KLHL24: variants seen among roughly 807,000 people sequenced by gnomAD.
KLHL24 encodes kelch-like protein 24.
A neutral mutation model predicts 53.4 loss-of-function variants in KLHL24; 29 were observed. The ratio of observed to expected loss-of-function variants is 0.54; its 90% CI spans 0.40 to 0.74. KLHL24 has a LOEUF of 0.74. KLHL24 is among the 30% of genes least tolerant of loss of function. The probability of loss-of-function intolerance (pLI) is 0.00; values close to 1 mark genes in which losing one functional copy is unlikely to be tolerated. For synonymous variants in KLHL24, 222 were observed against 253.7 expected, an observed-to-expected ratio of 0.88 and a Z score of 1.19; for missense variants, 504 against 744.0, an observed-to-expected ratio of 0.68 and a Z score of 3.75.
chr3:183,670,923 A>G, intron 5 of KLHL24, 111 bp from the exon 6 acceptor site: 1 of 729,042 alleles, frequency 1.4e-6, no homozygotes, highest in Non-Finnish European at 2.3e-6. Context: ...TTGCAATTAT[A>G]TTTATTTAGC....
chr3:183,676,911 T>G (rs1347667754), intron 7 of KLHL24, among the ~76,000 whole-genome samples: 7 of 64,492 alleles, frequency 1.1e-4, no homozygotes, highest in Non-Finnish European at 1.7e-4. Flanking sequence ...GGTTTTTTGG[T>G]TTTTTTTTTT....
intron 7 of KLHL24, among the ~76,000 whole-genome samples, chr3:183,676,347 C>T (rs1356770068): frequency 2.6e-5 from 4 of 152,272 alleles, no homozygotes; most frequent in East Asian, 1.9e-4. Context: ...CCGCCTGCCT[C>T]GGCCTCCCAA....
intron 3 of KLHL24, among the ~76,000 whole-genome samples, chr3:183,659,136 T>A (rs1300325751): frequency 2.3e-5 from 3 of 131,534 alleles, no homozygotes; most frequent in African/African-American, 9.8e-5. Context: ...CATTTGTAGG[T>A]TGTTGATTTT....
At chr3:183,672,260 T>G in intron 6 of KLHL24, 36 bp from the exon 7 acceptor site, 2 of 1,151,746 alleles carry the variant, frequency 1.7e-6, no homozygotes, top group East Asian at 2.8e-5. Flanking sequence ...CATTTTTGTT[T>G]AGAAATTTTA....
intron 2 of KLHL24, among the ~76,000 whole-genome samples, chr3:183,645,791 A>T (rs2108778288): frequency 6.6e-6 from 1 of 152,358 alleles, no homozygotes; most frequent in East Asian, 1.9e-4. Context: ...ACATACATGT[A>T]GAGGAAAATA....
rs372809718 is a variant in KLHL24, at chr3:183,639,449, A to T, written c.-125+3656A>T. Among the ~76,000 whole-genome samples the T allele has an allele frequency of 7.6e-4, 113 of 149,550 alleles. No individual in the cohort carries two copies. The East Asian group carries it at 0.011, about 15-fold the overall frequency. On this transcript the variant is annotated intron_variant, in intron 1 of 7. Coordinates refer to ENST00000242810, the MANE Select transcript of KLHL24 (RefSeq NM_017644.3). Reference sequence around the variant, plus strand: ...ATCAAGACCATCCTGGCTAACACGGAGAAACCCCGTCTCTACTAAAAATAC... The same window carrying T: ...ATCAAGACCATCCTGGCTAACACGGTGAAACCCCGTCTCTACTAAAAATAC...
chr3:183,650,438 G>T lies in KLHL24; in HGVS notation c.82G>T (p.Glu28Ter). The stretch of plus-strand genomic sequence containing the variant: ...CCCAGCAACTAAGCGAAAAGTTTTT[G>T]AAATGGACCCCAAATCTCTGACAGG... ...DSPATKRKVF[E>*]MDPKSLTGHE... is the part of the protein sequence containing the mutation. The change falls in exon 3 of 8, where the codon GAA becomes TAA. Residue 28 changes from glutamate (E) to a stop codon, truncating the protein, a stop_gained. Transcript: ENST00000242810. LOFTEE classifies it high-confidence loss of function. The surrounding 1 kb of genome is among the most constrained non-coding windows in gnomAD (Gnocchi z 4.5). The T allele has an allele frequency of 6.2e-7, 1 of 1,614,134 alleles. No individual in the cohort carries two copies. Among genetic ancestry groups the T allele is most frequent in the Non-Finnish European group, 8.5e-7 (1 of 1,180,004 alleles).
rs200379581 is a variant in KLHL24 at position 183,646,052 on chromosome 3, T to G, written c.-62+2510T>G. Among the ~76,000 whole-genome samples, 56 of 127,636 alleles carry G rather than the reference T, an allele frequency of 4.4e-4. 1 individual carries two copies. The highest frequency in any genetic ancestry group is 7.6e-4 in the African/African-American group (25 of 33,046). 83.7% of individuals were successfully genotyped at this position (127,636 alleles called of 152,430 possible). On this transcript the variant is annotated intron_variant, in intron 2 of 7. Coordinates refer to ENST00000242810, the MANE Select transcript of KLHL24 (RefSeq NM_017644.3). ...ATTTGAAATTTTCTGGGTTTTTTGT[T>G]TTGTTTTTTTTTTAACTTAGAAATG...
chr3:183,661,226 C>A (rs1039929259), intron 3 of KLHL24, among the ~76,000 whole-genome samples: 1 of 151,462 alleles, frequency 6.6e-6, no homozygotes, highest in Admixed American at 6.6e-5. Flanking sequence ...TAGAGTAAGA[C>A]CTTGTCTCTA....
chr3:183,659,331 G>C (rs1719366439), intron 3 of KLHL24, among the ~76,000 whole-genome samples: 1 of 152,146 alleles, frequency 6.6e-6, no homozygotes, highest in South Asian at 2.1e-4. Flanking sequence ...GAGGTCAGGA[G>C]TTCGAGACCA....
rs767583361 is a variant in KLHL24 at position 183,650,576 on chromosome 3, G to C, written c.220G>C (p.Gly74Arg). Residue 74 changes from glycine to arginine, a missense_variant, in exon 3 of 8, where the codon GGA (glycine) becomes CGA (arginine). Coordinates refer to ENST00000242810, the MANE Select transcript of KLHL24 (RefSeq NM_017644.3). The surrounding 1 kb of genome is among the most constrained non-coding windows in gnomAD (Gnocchi z 4.5). Reference protein sequence around the residue: ...LFTDVIICVEGKEFPCHRAVL... With the variant: ...LFTDVIICVERKEFPCHRAVL... ...CACAGATGTTATCATTTGTGTGGAA[G>C]GAAAAGAATTTCCTTGCCATAGAGC... 1.2e-6 allele frequency: 2 copies of C among 1,614,064 alleles called. No homozygotes were observed. The highest frequency in any genetic ancestry group is 1.7e-6 in the Non-Finnish European group (2 of 1,179,946).
intron 1 of KLHL24, chr3:183,636,099 GGTA>G (rs1715101733): frequency 6.6e-6 from 1 of 152,656 alleles, no homozygotes; most frequent in African/African-American, 2.4e-5. Flanking sequence ...CGGGACTGGG[GGTA>G]GCCGCAGGTG....
At chr3:183,673,237 T>C (rs971700027) in intron 7 of KLHL24, among the ~76,000 whole-genome samples, 1 of 152,034 alleles carries the variant, frequency 6.6e-6, no homozygotes, top group Non-Finnish European at 1.5e-5. Context: ...AAATAAAATA[T>C]TTCATGTTTG....
chr3:183,673,414 C>G (rs1721632892), intron 7 of KLHL24, among the ~76,000 whole-genome samples: 1 of 149,698 alleles, frequency 6.7e-6, no homozygotes, highest in South Asian at 2.1e-4. Flanking sequence ...TGACTTTTTT[C>G]ACAATCCTAC....
intron 3 of KLHL24, among the ~76,000 whole-genome samples, chr3:183,653,887 C>T (rs552185403): frequency 2.6e-4 from 40 of 152,130 alleles, no homozygotes; most frequent in Non-Finnish European, 4.7e-4. Context: ...AGTGACCTCT[C>T]CAGTCTCCTG....
At position 183,683,959 on chromosome 3, in the gene KLHL24, A is replaced by G. The variant is rs1405994687; in HGVS notation, c.*4673A>G. The G allele has an allele frequency of 6.6e-6, 1 of 152,572 alleles. No individual in the cohort carries two copies. The highest frequency in any genetic ancestry group is 1.5e-5 in the Non-Finnish European group (1 of 68,012). The allele number at this position is 152,572 out of a possible 1,614,324, so 9.5% of individuals were successfully genotyped here. ...ATTGTTGGATGTTTGGAGTTTCATT[A>G]TATTTTTTGTTTTTATTTTTTGATA... On this transcript the variant is annotated 3_prime_UTR_variant, in exon 8 of 8. Coordinates refer to ENST00000242810, the MANE Select transcript of KLHL24 (RefSeq NM_017644.3).
intron 2 of KLHL24, among the ~76,000 whole-genome samples, chr3:183,649,298 T>G (rs1486539044): frequency 6.6e-6 from 1 of 152,226 alleles, no homozygotes; most frequent in Non-Finnish European, 1.5e-5. Context: ...GATCTACTTT[T>G]TCACTTACTG....
chr3:183,639,267 CACT>C (rs1715903173), intron 1 of KLHL24, among the ~76,000 whole-genome samples: 1 of 152,044 alleles, frequency 6.6e-6, no homozygotes, highest in Non-Finnish European at 1.5e-5. Flanking sequence ...TAATTCGTGT[CACT>C]ACTAAGATAA....
chr3:183,658,809 A>ATTTT (rs35150276), intron 3 of KLHL24, among the ~76,000 whole-genome samples: 1 of 140,068 alleles, frequency 7.1e-6, no homozygotes, highest in Non-Finnish European at 1.6e-5. Flanking sequence ...CCTTCCTCCC[A>ATTTT]TTTTTTTTTT....
Sources: gnomAD v4.1 joint callset for allele counts (sites outside exome capture counted in the v4.1 genomes callset) on GRCh38, gnomAD v4.1.1 for gene constraint, Gnocchi (gnomAD v3.1) non-coding constraint, MANE v1.5 for transcripts, NCBI Gene and HGNC (gene_info 2026-07-23, HGNC 2026-07-21) for gene names.